SRD5A2: variants seen among roughly 807,000 people sequenced by gnomAD.
SRD5A2 encodes the protein steroid 5 alpha-reductase 2.
A neutral mutation model predicts 27.4 loss-of-function variants in SRD5A2; 30 were observed. The ratio of observed to expected loss-of-function variants is 1.10; its 90% CI spans 0.82 to 1.49. The LOEUF (loss-of-function observed/expected upper bound fraction) is 1.49, where lower values mean the gene tolerates loss of function less well. Among genes scored for constraint, SRD5A2 ranks in the 40% most tolerant of loss-of-function variants. The pLI is 0.00. For missense variants in SRD5A2, 348 were observed against 323.4 expected, an observed-to-expected ratio of 1.08 and a Z score of -0.58; for synonymous variants, 141 against 133.6, an observed-to-expected ratio of 1.06 and a Z score of -0.38.
At chr2:31,638,719 C>G in the SRD5A2 span, among the ~76,000 whole-genome samples, 1 of 151,598 alleles carries the variant, frequency 6.6e-6, no homozygotes, top group Non-Finnish European at 1.5e-5. Flanking sequence ...TAGTCTATTT[C>G]ATCTACATAT....
the SRD5A2 span, among the ~76,000 whole-genome samples, chr2:31,602,401 T>C: frequency 6.6e-6 from 1 of 151,884 alleles, no homozygotes; most frequent in Non-Finnish European, 1.5e-5. Flanking sequence ...CTCAAAGAAA[T>C]AAGAGAGGAC....
chr2:31,526,214 A>T lies in SRD5A2; in HGVS notation c.747T>A (p.Leu249=). The T allele has an allele frequency of 6.3e-7, 1 of 1,587,912 alleles. No homozygotes were observed. The highest frequency in any genetic ancestry group is 8.6e-7 in the Non-Finnish European group (1 of 1,165,484). The part of the protein sequence containing the change: ...FEDYPKSRKA[L]IPFIF ...GGTTCCTTTAAAAGATGAATGGAAT[A>T]AGGGCTTTCCGAGATTTGGGGTAGT... The change falls in exon 5 of 5, where the codon CTT becomes CTA. Residue 249 remains leucine, a synonymous_variant. Transcript: ENST00000622030.
At chr2:31,561,341 T>G (rs1666618964) in intron 1 of SRD5A2, among the ~76,000 whole-genome samples, 1 of 152,124 alleles carries the variant, frequency 6.6e-6, no homozygotes, top group Non-Finnish European at 1.5e-5. Context: ...CCTAGACATA[T>G]AATGATATTT....
chr2:31,593,059 A>G, the SRD5A2 span, among the ~76,000 whole-genome samples: 2 of 152,064 alleles, frequency 1.3e-5, no homozygotes, highest in Non-Finnish European at 2.9e-5. Context: ...GAATTGAACA[A>G]TGAGAACACA....
At chr2:31,540,279 CAGAG>C (rs912845063) in intron 1 of SRD5A2, among the ~76,000 whole-genome samples, 13 of 151,744 alleles carry the variant, frequency 8.6e-5, no homozygotes, top group Admixed American at 8.5e-4. Flanking sequence ...CATAGAAAAA[CAGAG>C]AGAACAAATA....
At chr2:31,633,538 G>A in the SRD5A2 span, among the ~76,000 whole-genome samples, 39 of 152,234 alleles carry the variant, frequency 2.6e-4, no homozygotes, top group East Asian at 2.1e-3. Flanking sequence ...AAATGGAGCC[G>A]CAGATGCAGT....
intron 4 of SRD5A2, among the ~76,000 whole-genome samples, chr2:31,528,960 A>G (rs1665840141): frequency 6.6e-6 from 1 of 152,174 alleles, no homozygotes; most frequent in African/African-American, 2.4e-5. Context: ...CCTGGTGGGC[A>G]CAGAGCCTGG....
chr2:31,584,311 G>T (rs186340366), upstream of SRD5A2, among the ~76,000 whole-genome samples: 57 of 152,244 alleles, frequency 3.7e-4, no homozygotes, highest in African/African-American at 1.4e-3. Flanking sequence ...ATCCCCCAAA[G>T]GATCAAGATG....
the SRD5A2 span, among the ~76,000 whole-genome samples, chr2:31,618,799 G>T: frequency 2.8e-3 from 425 of 152,110 alleles, 4 homozygotes; most frequent in Non-Finnish European, 4.0e-3. Context: ...ATAATGTGTG[G>T]TATATTTCAA....
chr2:31,544,221 C>T (rs1472053411), intron 1 of SRD5A2, among the ~76,000 whole-genome samples: 4 of 151,850 alleles, frequency 2.6e-5, no homozygotes. Context: ...TAAAAAGAGA[C>T]ATTTCTGCAA....
At chr2:31,595,205 C>T in the SRD5A2 span, among the ~76,000 whole-genome samples, 1 of 151,914 alleles carries the variant, frequency 6.6e-6, no homozygotes, top group Admixed American at 6.6e-5. Context: ...ATAAAAATAT[C>T]AGTGCAAAAC....
chr2:31,656,469 G>C, the SRD5A2 span, among the ~76,000 whole-genome samples: 1 of 152,110 alleles, frequency 6.6e-6, no homozygotes. Flanking sequence ...TCCCCTTGTG[G>C]TGAAATTAAG....
intron 3 of SRD5A2, among the ~76,000 whole-genome samples, chr2:31,529,824 C>G (rs1160326337): frequency 6.6e-6 from 1 of 152,138 alleles, no homozygotes; most frequent in Non-Finnish European, 1.5e-5. Context: ...CCTCCCCGCT[C>G]CTTTCCTGGA....
chr2:31,647,895 AT>A, the SRD5A2 span, among the ~76,000 whole-genome samples: 1 of 152,280 alleles, frequency 6.6e-6, no homozygotes, highest in African/African-American at 2.4e-5. Flanking sequence ...GATGTGTCTA[AT>A]TTTTTTATGA....
chr2:31,657,059 G>A, the SRD5A2 span, among the ~76,000 whole-genome samples: 3 of 152,200 alleles, frequency 2.0e-5, no homozygotes, highest in Admixed American at 1.3e-4. Context: ...GGATCCTGAT[G>A]AGACAGGACA....
At position 31,523,388 on chromosome 2, in the gene SRD5A2, T is replaced by C. The variant is rs1301421897; in HGVS notation, c.*2808A>G. On this transcript the variant is annotated 3_prime_UTR_variant, in exon 5 of 5. Coordinates refer to ENST00000622030, the MANE Select transcript of SRD5A2 (RefSeq NM_000348.4). ...ATCCAGATGGCAGCCCTAAAGGCTG[T>C]GCCTTAAGCAGAAGAAGCATACATC... 2 of 214,344 alleles carry C rather than the reference T, an allele frequency of 9.3e-6. No homozygotes were observed. The highest frequency in any genetic ancestry group is 4.5e-5 in the African/African-American group (2 of 44,300). 13.3% of individuals were successfully genotyped at this position (214,344 alleles called of 1,614,324 possible). A position where few individuals can be genotyped will look rare whatever the true frequency, so the allele number is the denominator to read the frequency against.
chr2:31,641,915 T>C, the SRD5A2 span, among the ~76,000 whole-genome samples: 2 of 151,832 alleles, frequency 1.3e-5, no homozygotes, highest in African/African-American at 4.8e-5. Context: ...TAAGCTTATA[T>C]GGAAAAGCAA....
At chr2:31,534,570 C>A (rs1429402931) in intron 1 of SRD5A2, among the ~76,000 whole-genome samples, 1 of 152,182 alleles carries the variant, frequency 6.6e-6, no homozygotes, top group African/African-American at 2.4e-5. Context: ...ATTTTATATT[C>A]ATTTTTCTTT....
intron 1 of SRD5A2, among the ~76,000 whole-genome samples, chr2:31,543,935 T>C (rs10196388): frequency 0.18 from 27,097 of 151,998 alleles, 3,047 homozygotes; most frequent in African/African-American, 0.32. Flanking sequence ...TATATGCTGT[T>C]TACAAGAGAC....
Sources: gnomAD v4.1 joint callset for allele counts (sites outside exome capture counted in the v4.1 genomes callset) on GRCh38, gnomAD v4.1.1 for gene constraint, MANE v1.5 for transcripts, NCBI Gene and HGNC (gene_info 2026-07-23, HGNC 2026-07-21) for gene names.